SGCZ: variants seen among roughly 807,000 people sequenced by gnomAD.
SGCZ encodes the protein sarcoglycan zeta.
In SGCZ, 40 loss-of-function variants were observed where a neutral mutation model predicts 41.3. The observed-to-expected ratio is 0.97, with a 90% CI of 0.75 to 1.26. The LOEUF is 1.26. Ranked by LOEUF, SGCZ falls within the 50% of genes most tolerant of loss-of-function variation. The pLI is 0.00. For missense variants in SGCZ, 552 were observed against 369.8 expected, an observed-to-expected ratio of 1.49 and a Z score of -4.04; for synonymous variants, 206 against 137.5, an observed-to-expected ratio of 1.50 and a Z score of -3.49.
intron 1 of SGCZ, among the ~76,000 whole-genome samples, chr8:14,996,605 G>A (rs779080392): frequency 3.3e-5 from 5 of 152,118 alleles, no homozygotes; most frequent in Non-Finnish European, 5.9e-5. Context: ...AAGTCAGATG[G>A]TGGAATTCAG....
chr8:15,191,154 G>C (rs1042612040), intron 1 of SGCZ, among the ~76,000 whole-genome samples: 1 of 151,842 alleles, frequency 6.6e-6, no homozygotes, highest in Non-Finnish European at 1.5e-5. Flanking sequence ...AATCTAAAAG[G>C]CTTTGTGTTT....
intron 2 of SGCZ, among the ~76,000 whole-genome samples, chr8:14,425,291 C>T (rs1799747392): frequency 6.6e-6 from 1 of 152,098 alleles, no homozygotes; most frequent in African/African-American, 2.4e-5. Flanking sequence ...AATTCCAATA[C>T]CACTTTTATC....
intron 1 of SGCZ, among the ~76,000 whole-genome samples, chr8:14,629,163 T>A (rs546269178): frequency 1.3e-5 from 2 of 152,248 alleles, no homozygotes; most frequent in East Asian, 3.9e-4. Flanking sequence ...CTGAAGTCCA[T>A]CTTCAGTTGT....
At chr8:14,658,727 T>A (rs2117476592) in intron 1 of SGCZ, among the ~76,000 whole-genome samples, 1 of 152,294 alleles carries the variant, frequency 6.6e-6, no homozygotes, top group Non-Finnish European at 1.5e-5. Context: ...TACTAATAAT[T>A]TCACCTGTTT....
chr8:14,519,833 C>T (rs1046926537), intron 2 of SGCZ, among the ~76,000 whole-genome samples: 22 of 152,116 alleles, frequency 1.4e-4, no homozygotes, highest in African/African-American at 5.3e-4. Context: ...TAAAGCGTGG[C>T]ATACCACTGA....
intron 2 of SGCZ, among the ~76,000 whole-genome samples, chr8:14,325,283 C>G (rs909728532): frequency 6.6e-6 from 1 of 151,830 alleles, no homozygotes; most frequent in African/African-American, 2.4e-5. Flanking sequence ...GACTTGTTGA[C>G]TAATTTTATG....
chr8:14,444,386 A>G (rs957127473), intron 2 of SGCZ, among the ~76,000 whole-genome samples: 17 of 152,096 alleles, frequency 1.1e-4, no homozygotes, highest in Non-Finnish European at 2.4e-4. Flanking sequence ...GGCACTATTC[A>G]CCATAGCAAA....
At chr8:14,602,251 A>G (rs900284599) in intron 1 of SGCZ, among the ~76,000 whole-genome samples, 3 of 152,214 alleles carry the variant, frequency 2.0e-5, no homozygotes, top group Non-Finnish European at 4.4e-5. Flanking sequence ...AAAATTCTCA[A>G]TTTTAACCAA....
intron 2 of SGCZ, among the ~76,000 whole-genome samples, chr8:14,401,620 T>G (rs555952588): frequency 4.6e-5 from 7 of 151,774 alleles, no homozygotes; most frequent in Admixed American, 6.6e-5. Context: ...CATGAACTCA[T>G]CATTGTTTAT....
At chr8:14,830,389 G>C (rs1442605595) in intron 1 of SGCZ, among the ~76,000 whole-genome samples, 1 of 151,942 alleles carries the variant, frequency 6.6e-6, no homozygotes, top group Non-Finnish European at 1.5e-5. Flanking sequence ...ATGTTTTTTA[G>C]CATTAAATAT....
At chr8:14,579,206 T>C (rs17119842) in intron 1 of SGCZ, among the ~76,000 whole-genome samples, 4,102 of 152,286 alleles carry the variant, frequency 0.027, 195 homozygotes, top group African/African-American at 0.093. Flanking sequence ...CCAATGTTAC[T>C]AAAGTCATCT....
rs116962826 is a variant in SGCZ at position 14,727,954 on chromosome 8, G to T, written c.40-173028C>A. On this transcript the variant is annotated intron_variant, in intron 1 of 7. Coordinates refer to ENST00000382080, the MANE Select transcript of SGCZ (RefSeq NM_139167.4). ...ACTATAGACACATGCAGCAGCATAA[G>T]TGCACAGTAAAAAATACTCTGAAAC... is the stretch of plus-strand genomic sequence containing the variant. Among the ~76,000 whole-genome samples the T allele has an allele frequency of 1.0e-3, 157 of 152,304 alleles. 2 individuals are homozygous for T. The highest frequency in any genetic ancestry group is 3.6e-3 in the African/African-American group (151 of 41,560).
At chr8:14,221,606 G>C (rs554018135) in intron 4 of SGCZ, among the ~76,000 whole-genome samples, 23 of 152,290 alleles carry the variant, frequency 1.5e-4, no homozygotes, top group African/African-American at 5.3e-4. Context: ...TTGTGTATAT[G>C]TTAATCCCAC....
At chr8:14,853,579 G>C in intron 1 of SGCZ, 1 of 459,590 alleles carries the variant, frequency 2.2e-6, no homozygotes, top group East Asian at 6.4e-5. Context: ...ACACATTGCA[G>C]GTTAAAAAAA....
chr8:14,466,158 A>C (rs1219619336), intron 2 of SGCZ, among the ~76,000 whole-genome samples: 6 of 151,970 alleles, frequency 3.9e-5, no homozygotes, highest in Non-Finnish European at 7.4e-5. Flanking sequence ...AGTGGTAATA[A>C]ACTTATTCAC....
intron 2 of SGCZ, among the ~76,000 whole-genome samples, chr8:14,441,074 G>T (rs1219881808): frequency 6.6e-6 from 1 of 152,106 alleles, no homozygotes; most frequent in Admixed American, 6.6e-5. Context: ...GGGGTGCACT[G>T]ATACAGGACC....
chr8:14,149,130 C>A (rs1312381944), intron 5 of SGCZ, among the ~76,000 whole-genome samples: 1 of 152,050 alleles, frequency 6.6e-6, no homozygotes, highest in Admixed American at 6.5e-5. Context: ...TGGAACACAA[C>A]AATGATGCCA....
chr8:14,250,965 T>C (rs1799262268), intron 3 of SGCZ, among the ~76,000 whole-genome samples: 1 of 152,182 alleles, frequency 6.6e-6, no homozygotes, highest in African/African-American at 2.4e-5. Flanking sequence ...TGGTGGCTCA[T>C]GTCTGTAATC....
chr8:15,148,125 G>C (rs1438333618), intron 1 of SGCZ, among the ~76,000 whole-genome samples: 1 of 152,158 alleles, frequency 6.6e-6, no homozygotes, highest in Non-Finnish European at 1.5e-5. Context: ...AAGAATATGT[G>C]ATAAAATTAG....
Sources: gnomAD v4.1 joint callset for allele counts (sites outside exome capture counted in the v4.1 genomes callset) on GRCh38, gnomAD v4.1.1 for gene constraint, MANE v1.5 for transcripts, NCBI Gene and HGNC (gene_info 2026-07-23, HGNC 2026-07-21) for gene names.